Variants in YAP1 observed in about 807,000 individuals in gnomAD.
The protein encoded by YAP1 is Yes1 associated transcriptional regulator, also known as transcriptional coactivator YAP1.
Under a neutral mutation model 56.9 loss-of-function variants are expected in YAP1, and 5 were observed. That is an observed-to-expected ratio of 0.09 (90% confidence interval 0.05 to 0.18). The LOEUF (loss-of-function observed/expected upper bound fraction) is 0.18. YAP1 is among the 10% of genes least tolerant of loss of function. The pLI is 1.00. For missense variants in YAP1, 539 were observed against 651.8 expected (o/e 0.83, Z 1.88); for synonymous variants, 265 against 248.1 (o/e 1.07, Z -0.64).
chr11:102,112,862 T>G (rs1943046853), intron 1 of YAP1: 1 of 789,366 alleles, frequency 1.3e-6, no homozygotes, highest in African/African-American at 1.9e-5. Flanking sequence ...TACACATAGA[T>G]TGGATCCCCC....
At chr11:102,207,566 G>A (rs886745331) in intron 5 of YAP1, among the ~76,000 whole-genome samples, 1 of 151,898 alleles carries the variant, frequency 6.6e-6, no homozygotes, top group Non-Finnish European at 1.5e-5. Flanking sequence ...TACCAGGAAG[G>A]AGGCACCTAA....
In YAP1 at chr11:102,174,761, G is replaced by C. The variant is rs145109995; in HGVS notation, c.689-11257G>C. Among the ~76,000 whole-genome samples, 129 of 152,204 alleles carry C rather than the reference G, an allele frequency of 8.5e-4. 1 individual carries two copies. The highest frequency in any genetic ancestry group is 2.8e-3 in the African/African-American group (115 of 41,526). On this transcript the variant is annotated intron_variant, in intron 3 of 8. Coordinates refer to ENST00000282441, the MANE Select transcript of YAP1 (RefSeq NM_001130145.3). The stretch of plus-strand genomic sequence containing the variant: ...GGGATACAAAGACAAAAAAGTCAGC[G>C]TCTCTACTTCTTGAGTCTGTTGAGA...
At chr11:102,194,646 G>C (rs1313650276) in intron 4 of YAP1, among the ~76,000 whole-genome samples, 1 of 152,170 alleles carries the variant, frequency 6.6e-6, no homozygotes, top group Non-Finnish European at 1.5e-5. Context: ...AAAGGAACTA[G>C]GGTGGTGGGA....
intron 3 of YAP1, among the ~76,000 whole-genome samples, chr11:102,183,834 T>A (rs376654020): frequency 1.1e-4 from 17 of 151,940 alleles, no homozygotes; most frequent in African/African-American, 3.9e-4. Flanking sequence ...CCCAGCACTT[T>A]GGGAGGCCGA....
At chr11:102,157,191 G>A (rs890577262) in intron 2 of YAP1, among the ~76,000 whole-genome samples, 4 of 152,142 alleles carry the variant, frequency 2.6e-5, no homozygotes, top group Non-Finnish European at 4.4e-5. Flanking sequence ...AAATGTTTAC[G>A]TCTTCTCATG....
In YAP1 at chr11:102,221,629, A is replaced by G. The variant is rs1035106065; in HGVS notation, c.1033-1993A>G. The stretch of plus-strand genomic sequence containing the variant: ...CTGCAGCTACTCATGAGGCTGAGGC[A>G]GGAGGATCACTTGAGCCTAGAAGGT... On this transcript the variant is annotated intron_variant, in intron 6 of 8. Transcript: ENST00000282441. 7.2e-5 allele frequency among the ~76,000 whole-genome samples: 11 copies of G among 152,014 alleles called. No homozygotes were observed. In the East Asian group the frequency reaches 1.2e-3, roughly 16 times the overall value.
chr11:102,117,446 AATGGT>A (rs1365420113), intron 2 of YAP1, among the ~76,000 whole-genome samples: 5 of 152,202 alleles, frequency 3.3e-5, no homozygotes, highest in Non-Finnish European at 5.9e-5. Context: ...CCTGACTATA[AATGGT>A]CCAGACAGGC....
chr11:102,174,497 C>T (rs1333678371), intron 3 of YAP1, among the ~76,000 whole-genome samples: 1 of 151,788 alleles, frequency 6.6e-6, no homozygotes, highest in Non-Finnish European at 1.5e-5. Flanking sequence ...CGCTTGAACC[C>T]AGGAGGCAGA....
intron 6 of YAP1, among the ~76,000 whole-genome samples, chr11:102,223,136 T>C (rs1026580456): frequency 6.6e-6 from 1 of 151,188 alleles, no homozygotes; most frequent in African/African-American, 2.4e-5. Flanking sequence ...TAGTCCCAGC[T>C]ACTCGGGAGG....
At chr11:102,206,130 G>A (rs1179778226) in intron 5 of YAP1, 56 bp downstream of exon 5, 2 of 1,567,152 alleles carry the variant, frequency 1.3e-6, no homozygotes, top group Non-Finnish European at 1.7e-6. Flanking sequence ...TTTTCTTAAA[G>A]TTGGGCAGAT....
intron 6 of YAP1, 47 bp downstream of exon 6, chr11:102,209,611 A>T (rs779438005): frequency 3.5e-6 from 5 of 1,439,522 alleles, no homozygotes; most frequent in Non-Finnish European, 4.7e-6. Context: ...AAAAAAAAAG[A>T]TATTAAATTA....
chr11:102,132,153 A>G (rs144339529), intron 2 of YAP1, among the ~76,000 whole-genome samples: 1 of 152,280 alleles, frequency 6.6e-6, no homozygotes, highest in East Asian at 1.9e-4. Flanking sequence ...ACCGGTGAGC[A>G]GACAACTCTG....
intron 3 of YAP1, among the ~76,000 whole-genome samples, chr11:102,174,611 G>C (rs1370262359): frequency 6.6e-6 from 1 of 151,782 alleles, no homozygotes; most frequent in Non-Finnish European, 1.5e-5. Context: ...TATTTGTAAA[G>C]GCACAAAACA....
chr11:102,149,293 G>T (rs540363351), intron 2 of YAP1, among the ~76,000 whole-genome samples: 2 of 152,322 alleles, frequency 1.3e-5, no homozygotes, highest in Non-Finnish European at 2.9e-5. Flanking sequence ...CTTTGAAGAA[G>T]CTGTAGGATA....
At chr11:102,182,474 T>C (rs972547565) in intron 3 of YAP1, among the ~76,000 whole-genome samples, 1 of 152,196 alleles carries the variant, frequency 6.6e-6, no homozygotes, top group East Asian at 1.9e-4. Context: ...TCAGAAAACA[T>C]ATCACTTTTT....
intron 3 of YAP1, among the ~76,000 whole-genome samples, chr11:102,178,120 C>G (rs541486273): frequency 6.6e-6 from 1 of 152,270 alleles, no homozygotes; most frequent in African/African-American, 2.4e-5. Context: ...AGTGACTTAA[C>G]ATTTGCTTGC....
chr11:102,172,546 T>C (rs1946976607), intron 3 of YAP1, among the ~76,000 whole-genome samples: 1 of 151,164 alleles, frequency 6.6e-6, no homozygotes, highest in Non-Finnish European at 1.5e-5. Context: ...TCCCAGCTTT[T>C]TGGCAGCTTT....
intron 2 of YAP1, among the ~76,000 whole-genome samples, chr11:102,120,477 G>C (rs1446601585): frequency 6.6e-6 from 1 of 152,316 alleles, no homozygotes; most frequent in East Asian, 1.9e-4. Context: ...TCTTCTACCA[G>C]ATATTTTCAG....
intron 2 of YAP1, among the ~76,000 whole-genome samples, chr11:102,121,504 C>T (rs555953061): frequency 8.6e-5 from 13 of 151,990 alleles, no homozygotes; most frequent in African/African-American, 3.1e-4. Flanking sequence ...TTCTGAGTAG[C>T]GTGATGCAAT....
Sources: gnomAD v4.1 joint callset for allele counts (sites outside exome capture counted in the v4.1 genomes callset) on GRCh38, gnomAD v4.1.1 for gene constraint, MANE v1.5 for transcripts, NCBI Gene and HGNC (gene_info 2026-07-23, HGNC 2026-07-21) for gene names.